CDCA5: variants seen among roughly 807,000 people sequenced by gnomAD.
The protein encoded by CDCA5 is cell division cycle associated 5, also known as sororin.
In CDCA5, 14 loss-of-function variants were observed where a neutral mutation model predicts 25.7. The ratio of observed to expected loss-of-function variants is 0.54; its 90% CI spans 0.36 to 0.85. The LOEUF is 0.85. CDCA5 is among the 40% of genes least tolerant of loss of function. The probability of loss-of-function intolerance (pLI) is 0.01; values close to 1 mark genes in which losing one functional copy is unlikely to be tolerated. For synonymous variants in CDCA5, 127 were observed against 128.7 expected, an observed-to-expected ratio of 0.99 and a Z score of 0.09; for missense variants, 307 against 324.5, an observed-to-expected ratio of 0.95 and a Z score of 0.41.
downstream of CDCA5, among the ~76,000 whole-genome samples, chr11:65,075,668 G>A (rs1276590081): frequency 6.6e-6 from 1 of 152,208 alleles, no homozygotes; most frequent in Non-Finnish European, 1.5e-5. Flanking sequence ...ATGGCACAGA[G>A]AACACAGGAG....
chr11:65,066,676 T>G (rs1390138048), exon 6 of CDCA5: 2 of 1,288,838 alleles, frequency 1.6e-6, no homozygotes, highest in Non-Finnish European at 2.0e-6. Context: ...TACAATAAGG[T>G]GGGCTGGACA....
chr11:65,065,829 G>C (rs1810361622), downstream of CDCA5, among the ~76,000 whole-genome samples: 1 of 151,994 alleles, frequency 6.6e-6, no homozygotes, highest in Non-Finnish European at 1.5e-5. Flanking sequence ...CCAGGCCTGA[G>C]GGGTATAGGA....
intron 4 of CDCA5, chr11:65,066,903 C>A (rs1486841034): frequency 3.9e-6 from 5 of 1,287,908 alleles, no homozygotes; most frequent in Non-Finnish European, 5.1e-6. Flanking sequence ...ACAGACCCCT[C>A]CCACCTCAGC....
chr11:65,061,375 G>C (rs1279853829), downstream of CDCA5, among the ~76,000 whole-genome samples: 1 of 152,192 alleles, frequency 6.6e-6, no homozygotes, highest in Non-Finnish European at 1.5e-5. Flanking sequence ...GAGTCCCTCA[G>C]CCAGTACCAC....
At position 65,079,469 on chromosome 11, in the gene CDCA5, G is replaced by A. The variant is rs2137126290; in HGVS notation, c.562C>T (p.Leu188Phe). The change falls in exon 5 of 6, where the codon CTC becomes TTC. Residue 188 changes from leucine (L) to phenylalanine (F), a missense_variant. Coordinates refer to ENST00000275517, the MANE Select transcript of CDCA5 (RefSeq NM_080668.4). ...GCACAAACCCTGGGGACCTCGGTGAGTTTGGAGCACACCACTGGCGAGACT... is the reference window on the plus strand; with the variant it reads ...GCACAAACCCTGGGGACCTCGGTGAATTTGGAGCACACCACTGGCGAGACT... ...SGVSPVVCSK[L>F]TEVPRVCAKP... is the part of the protein sequence containing the mutation. 1 of 1,614,118 alleles carries A rather than the reference G, an allele frequency of 6.2e-7. No homozygotes were observed. The highest frequency in any genetic ancestry group is 8.5e-7 in the Non-Finnish European group (1 of 1,180,020).
At chr11:65,067,602 G>T in intron 4 of CDCA5, 6 of 1,158,808 alleles carry the variant, frequency 5.2e-6, no homozygotes, top group Non-Finnish European at 6.9e-6. Context: ...GCCTGGCCTT[G>T]GTCGGGGGAA....
chr11:65,065,960 G>A (rs1057117449), downstream of CDCA5, among the ~76,000 whole-genome samples: 8 of 151,924 alleles, frequency 5.3e-5, no homozygotes, highest in Non-Finnish European at 8.8e-5. Flanking sequence ...TCCCTCCCCC[G>A]CCTACACCCC....
chr11:65,077,780 G>T lies in CDCA5; in HGVS notation c.*1327C>A. The stretch of plus-strand genomic sequence containing the variant: ...AGACCTGGCAGAGGGTTTTATTAGG[G>T]CCCGCCTGGCCTGCACCGTTTCATC... On this transcript the variant is annotated 3_prime_UTR_variant, in exon 6 of 6. Coordinates refer to ENST00000275517, the MANE Select transcript of CDCA5 (RefSeq NM_080668.4). 1 of 985,564 alleles carries T rather than the reference G, an allele frequency of 1.0e-6. No homozygotes were observed. Among genetic ancestry groups the T allele is most frequent in the Non-Finnish European group, 1.2e-6 (1 of 829,984 alleles). 61.1% of individuals were successfully genotyped at this position (985,564 alleles called of 1,614,324 possible).
intron 4 of CDCA5, among the ~76,000 whole-genome samples, chr11:65,083,045 AC>A (rs1232579089): frequency 6.6e-6 from 1 of 152,218 alleles, no homozygotes. Context: ...AATGTCATAC[AC>A]ATGACTTATC....
At chr11:65,068,716 C>T in intron 1 of CDCA5, 1 of 445,576 alleles carries the variant, frequency 2.2e-6, no homozygotes, top group Admixed American at 3.2e-5. Context: ...CTATCACCAG[C>T]TCTGTCCAGC....
At chr11:65,073,369 G>A (rs1947378090), downstream of CDCA5, among the ~76,000 whole-genome samples, 1 of 152,220 alleles carries the variant, frequency 6.6e-6, no homozygotes, top group African/African-American at 2.4e-5. Flanking sequence ...GCTAGAAGCT[G>A]GCAGAGCCAG....
At chr11:65,062,209 C>T (rs1252393940), downstream of CDCA5, among the ~76,000 whole-genome samples, 1 of 152,142 alleles carries the variant, frequency 6.6e-6, no homozygotes, top group East Asian at 1.9e-4. Context: ...CGAGAGCCAC[C>T]GTGCCCAGCC....
downstream of CDCA5, among the ~76,000 whole-genome samples, chr11:65,061,982 G>A (rs527483961): frequency 3.1e-4 from 43 of 137,180 alleles, no homozygotes; most frequent in Admixed American, 9.4e-4. Context: ...GTGCAATGGC[G>A]CGATCTCGGC....
exon 2 of CDCA5, chr11:65,068,505 C>G: frequency 7.8e-7 from 1 of 1,289,356 alleles, no homozygotes; most frequent in African/African-American, 1.5e-5. Context: ...TTCCGCTCCT[C>G]GGAAGCCTGA....
At chr11:65,061,657 C>T (rs914098528), downstream of CDCA5, among the ~76,000 whole-genome samples, 1 of 151,412 alleles carries the variant, frequency 6.6e-6, no homozygotes, top group African/African-American at 2.4e-5. Context: ...CACCTGTAGT[C>T]CCAGCTACTC....
chr11:65,083,824 T>C (rs1439410097), intron 1 of CDCA5, 101 bp from the exon 2 acceptor site: 2 of 1,586,008 alleles, frequency 1.3e-6, no homozygotes, highest in African/African-American at 2.7e-5. Context: ...ACAAGCCCTT[T>C]TAAGGGCGCC....
In CDCA5 at chr11:65,083,670, C is replaced by T. The variant is rs758582969; in HGVS notation, c.100G>A (p.Gly34Ser). The change falls in exon 2 of 6, where the codon GGC becomes AGC. Residue 34 changes from glycine (G) to serine (S), a missense_variant. Gly to Ser is a moderately conservative substitution (Grantham distance 56). Coordinates refer to ENST00000275517, the MANE Select transcript of CDCA5 (RefSeq NM_080668.4). Reference sequence around the variant, plus strand: ...GGGAGGATGCTCGGGAGTTCAGAGCCTGATTTCCGCTGGGACCTCCGCAGA... The same window carrying T: ...GGGAGGATGCTCGGGAGTTCAGAGCTTGATTTCCGCTGGGACCTCCGCAGA... ...KPLRRSQRKS[G>S]SELPSILPEI... 6.2e-7 allele frequency: 1 copy of T among 1,614,190 alleles called. No individual in the cohort carries two copies. The highest frequency in any genetic ancestry group is 1.1e-5 in the South Asian group (1 of 91,080).
downstream of CDCA5, among the ~76,000 whole-genome samples, chr11:65,061,561 TGAG>T (rs1947186073): frequency 6.6e-6 from 1 of 151,854 alleles, no homozygotes; most frequent in African/African-American, 2.4e-5. Context: ...GATCATGAGG[TGAG>T]GAGATCAAGA....
intron 4 of CDCA5, 104 bp from the exon 5 acceptor site, chr11:65,079,891 CTTTTTT>C (rs56317442): frequency 1.5e-5 from 8 of 544,776 alleles, no homozygotes; most frequent in Non-Finnish European, 1.4e-5. Context: ...AGGACACACA[CTTTTTT>C]TTTTTTTTTT....
Sources: gnomAD v4.1 joint callset for allele counts (sites outside exome capture counted in the v4.1 genomes callset) on GRCh38, gnomAD v4.1.1 for gene constraint, MANE v1.5 for transcripts, NCBI Gene and HGNC (gene_info 2026-07-23, HGNC 2026-07-21) for gene names.